Variants in DLGAP2 observed in about 807,000 individuals in gnomAD.
The protein encoded by DLGAP2 is DLG associated protein 2, also known as disks large-associated protein 2.
In DLGAP2, 26 loss-of-function variants were observed where a neutral mutation model predicts 100.3. The ratio of observed to expected loss-of-function variants is 0.26; its 90% CI spans 0.19 to 0.36. The LOEUF is 0.36. Ranked by LOEUF, DLGAP2 falls within the 10% of genes least tolerant of loss-of-function variation. The pLI is 1.00. For missense variants in DLGAP2, 1,858 were observed against 1,453.2 expected (o/e 1.28, Z -4.53); for synonymous variants, 886 against 630.1 (o/e 1.41, Z -6.08).
At chr8:1,025,167 T>TGCGCAC in intron 2 of DLGAP2, among the ~76,000 whole-genome samples, 1 of 152,278 alleles carries the variant, frequency 6.6e-6, no homozygotes, top group Non-Finnish European at 1.5e-5. Flanking sequence ...CACGTGTGTG[T>TGCGCAC]GTCTTAATTA....
intron 2 of DLGAP2, among the ~76,000 whole-genome samples, chr8:1,255,629 T>C (rs1337873235): frequency 7.0e-6 from 1 of 143,276 alleles, no homozygotes; most frequent in Non-Finnish European, 1.5e-5. Flanking sequence ...GTGCTGTGTG[T>C]GTGTGTCCTC....
chr8:1,639,303 G>C (rs963998453), intron 8 of DLGAP2, among the ~76,000 whole-genome samples: 1 of 152,210 alleles, frequency 6.6e-6, no homozygotes, highest in Non-Finnish European at 1.5e-5. Flanking sequence ...AGCCAGGAGG[G>C]ATGGGGAGGG....
intron 1 of DLGAP2, among the ~76,000 whole-genome samples, chr8:887,661 G>A (rs567242510): frequency 6.6e-6 from 1 of 152,266 alleles, no homozygotes; most frequent in South Asian, 2.1e-4. Context: ...TGAAATTCTG[G>A]ATTGAAAATT....
intron 2 of DLGAP2, among the ~76,000 whole-genome samples, chr8:1,033,785 AC>A (rs1802043672): frequency 2.0e-5 from 3 of 147,714 alleles, no homozygotes; most frequent in African/African-American, 7.6e-5. Flanking sequence ...GTGGGTTCAC[AC>A]GCTCATCCCG....
intron 4 of DLGAP2, among the ~76,000 whole-genome samples, chr8:1,522,129 G>C (rs1005860613): frequency 2.0e-5 from 3 of 152,178 alleles, no homozygotes; most frequent in Non-Finnish European, 4.4e-5. Context: ...GGAATCCTCG[G>C]GTGGCACGTG....
intron 1 of DLGAP2, among the ~76,000 whole-genome samples, chr8:822,781 C>G (rs917429252): frequency 1.3e-5 from 2 of 152,114 alleles, no homozygotes; most frequent in Non-Finnish European, 2.9e-5. Flanking sequence ...ACACAGCCTT[C>G]GGACAACAGC....
chr8:944,602 A>G (rs550083406), intron 2 of DLGAP2, among the ~76,000 whole-genome samples: 1 of 151,974 alleles, frequency 6.6e-6, no homozygotes, highest in Non-Finnish European at 1.5e-5. Context: ...AGTGGGTGGT[A>G]GCTGATCCAT....
At chr8:1,492,768 C>T (rs1799427547) in intron 3 of DLGAP2, among the ~76,000 whole-genome samples, 1 of 152,142 alleles carries the variant, frequency 6.6e-6, no homozygotes, top group South Asian at 2.1e-4. Flanking sequence ...GCCGATTTTG[C>T]GTGAAGACCT....
At chr8:1,679,889 A>G (rs1798902986) in intron 12 of DLGAP2, among the ~76,000 whole-genome samples, 1 of 151,662 alleles carries the variant, frequency 6.6e-6, no homozygotes, top group South Asian at 2.1e-4. Flanking sequence ...CTGAGGCAGG[A>G]AAATCACTTG....
chr8:803,981 T>G (rs1378154980), intron 1 of DLGAP2, among the ~76,000 whole-genome samples: 2 of 152,160 alleles, frequency 1.3e-5, no homozygotes, highest in African/African-American at 4.8e-5. Context: ...CAATGTGAAT[T>G]TTAAGCTGCT....
intron 3 of DLGAP2, among the ~76,000 whole-genome samples, chr8:1,376,929 A>G (rs558890870): frequency 5.3e-4 from 80 of 152,350 alleles, no homozygotes; most frequent in African/African-American, 1.8e-3. Flanking sequence ...CCTTCTGCAG[A>G]CGCAGTTCTG....
intron 1 of DLGAP2, among the ~76,000 whole-genome samples, chr8:854,379 C>A (rs944640973): frequency 1.3e-5 from 2 of 152,052 alleles, no homozygotes; most frequent in Admixed American, 6.5e-5. Flanking sequence ...CTGTCTTGGT[C>A]CATTTGTGTG....
chr8:895,432 C>T (rs1357497678), intron 1 of DLGAP2, among the ~76,000 whole-genome samples: 2 of 152,164 alleles, frequency 1.3e-5, no homozygotes, highest in Non-Finnish European at 2.9e-5. Context: ...TTCCGGGGAG[C>T]AGGGGGCTGT....
chr8:982,774 C>T (rs1328531384), intron 2 of DLGAP2, among the ~76,000 whole-genome samples: 2 of 151,876 alleles, frequency 1.3e-5, no homozygotes, highest in African/African-American at 4.8e-5. Context: ...GGCTACCTTT[C>T]GTATGGAGCT....
At chr8:944,464 C>G (rs138035817) in intron 2 of DLGAP2, among the ~76,000 whole-genome samples, 1 of 151,048 alleles carries the variant, frequency 6.6e-6, no homozygotes, top group African/African-American at 2.4e-5. Context: ...TGTAGGTGAT[C>G]CAGTGGGTGG....
At chr8:926,292 G>T (rs1798814339) in intron 2 of DLGAP2, among the ~76,000 whole-genome samples, 1 of 152,164 alleles carries the variant, frequency 6.6e-6, no homozygotes, top group East Asian at 1.9e-4. Context: ...AAGCCTGCTG[G>T]CCCTGCTTTC....
At chr8:1,513,904 A>T in intron 4 of DLGAP2, among the ~76,000 whole-genome samples, 1 of 152,078 alleles carries the variant, frequency 6.6e-6, no homozygotes. Flanking sequence ...TCCTTCATTC[A>T]TCCATCCATT....
chr8:1,114,964 C>A (rs1021769836), intron 2 of DLGAP2, among the ~76,000 whole-genome samples: 1 of 152,172 alleles, frequency 6.6e-6, no homozygotes, highest in Non-Finnish European at 1.5e-5. Context: ...CAAAGTCATT[C>A]AGGAGGATGT....
intron 1 of DLGAP2, among the ~76,000 whole-genome samples, chr8:744,657 C>T (rs945825406): frequency 4.7e-5 from 7 of 148,356 alleles, no homozygotes; most frequent in Admixed American, 1.3e-4. Context: ...CTGCTCCCCA[C>T]GGTCACTCCC....
Sources: allele counts gnomAD v4.1 joint callset (sites outside exome capture counted in the v4.1 genomes callset), GRCh38; gene constraint gnomAD v4.1.1; transcripts MANE v1.5; gene names NCBI Gene and HGNC (gene_info 2026-07-23, HGNC 2026-07-21).